Variants in PPWD1 observed in about 807,000 individuals in gnomAD.
PPWD1 encodes the protein peptidylprolyl isomerase domain and WD repeat containing 1, also known as peptidylprolyl isomerase domain and WD repeat-containing protein 1.
A neutral mutation model predicts 68.8 loss-of-function variants in PPWD1; 43 were observed. That is an observed-to-expected ratio of 0.62 (90% confidence interval 0.49 to 0.81). The LOEUF is 0.81. PPWD1 is among the 30% of genes least tolerant of loss of function. PPWD1 has a pLI of 0.00. For missense variants in PPWD1, 672 were observed against 804.8 expected (o/e 0.83, Z 2.00); for synonymous variants, 232 against 258.7 (o/e 0.90, Z 0.99).
At chr5:65,566,074 T>A (rs1417515857) in intron 1 of PPWD1, among the ~76,000 whole-genome samples, 1 of 152,210 alleles carries the variant, frequency 6.6e-6, no homozygotes, top group African/African-American at 2.4e-5. Context: ...TTTATGCCCA[T>A]GTGACCTAGA....
chr5:65,580,329 T>A (rs1246918283), intron 7 of PPWD1, among the ~76,000 whole-genome samples: 1 of 152,244 alleles, frequency 6.6e-6, no homozygotes, highest in Non-Finnish European at 1.5e-5. Context: ...CTATGCTGGC[T>A]GGCCCTCCTC....
intron 9 of PPWD1, 132 bp from the exon 10 acceptor site, chr5:65,585,867 G>A (rs527416629): frequency 1.4e-6 from 2 of 1,383,032 alleles, no homozygotes; most frequent in South Asian, 1.6e-5. Flanking sequence ...AAGTGTTAAG[G>A]GTTTAATCAA....
At chr5:65,566,644 C>A (rs1007564546) in intron 1 of PPWD1, among the ~76,000 whole-genome samples, 1 of 151,958 alleles carries the variant, frequency 6.6e-6, no homozygotes, top group Non-Finnish European at 1.5e-5. Context: ...TTTTTAGGCA[C>A]GTTTGGTCAT....
In PPWD1 at chr5:65,585,038, C is replaced by T. The variant is rs771188133; in HGVS notation, c.1557C>T (p.Phe519=). The change falls in exon 9 of 11, where the codon TTC becomes TTT. Residue 519 remains phenylalanine, a synonymous_variant. Transcript: ENST00000261308. ...PVECPKTVEN[F]CVHSRNGYYN... is the part of the protein sequence containing the mutation. ...GGTGCCCTAAGACAGTGGAAAACTT[C>T]TGTGTTCACAGCAGAAATGGTTATT... The T allele has an allele frequency of 1.9e-6, 3 of 1,612,422 alleles. No individual in the cohort carries two copies. The highest frequency in any genetic ancestry group is 3.3e-5 in the Admixed American group (2 of 59,936).
At position 65,570,012 on chromosome 5, in the gene PPWD1, A is replaced by C. The variant is rs771693552; in HGVS notation, c.521+14A>C. 13 of 1,599,948 alleles carry C rather than the reference A, an allele frequency of 8.1e-6. No homozygotes were observed. In the African/African-American group the frequency reaches 1.7e-4, roughly 22 times the overall value. On this transcript the variant is annotated intron_variant, in intron 4 of 10. Coordinates refer to ENST00000261308, the MANE Select transcript of PPWD1 (RefSeq NM_015342.4). ...GCTGAAACTTGGGTGAGTCTTTTTA[A>C]AAGTATATATATTTTAACTTATTGA...
intron 1 of PPWD1, among the ~76,000 whole-genome samples, chr5:65,566,219 G>T (rs1281873884): frequency 1.3e-5 from 2 of 152,222 alleles, no homozygotes; most frequent in Non-Finnish European, 1.5e-5. Context: ...AGATAGAGCT[G>T]TACTTTTATG....
chr5:65,563,373 A>G lies in PPWD1; in HGVS notation c.63A>G (p.Glu21=). Residue 21 remains glutamate, a synonymous_variant, in exon 1 of 11, where the codon GAA becomes GAG. Coordinates refer to ENST00000261308, the MANE Select transcript of PPWD1 (RefSeq NM_015342.4). ...QRRRRRRDPE[E]PEKTELSERE... is the part of the protein sequence containing the mutation. ...GTAGAAGGCGCCGGGACCCGGAGGA[A>G]CCGGAAAAAACAGAACTCAGCGAAA... 1 of 1,612,766 alleles carries G rather than the reference A, an allele frequency of 6.2e-7. No homozygotes were observed. The highest frequency in any genetic ancestry group is 8.5e-7 in the Non-Finnish European group (1 of 1,179,178).
rs560705138 is a variant in PPWD1, at chr5:65,572,118, T to C, written c.801T>C (p.Tyr267=). Residue 267 remains tyrosine (Y), a synonymous_variant, in exon 5 of 11, where the codon TAT becomes TAC. Coordinates refer to ENST00000261308, the MANE Select transcript of PPWD1 (RefSeq NM_015342.4). ...YKFPKNVNWE[Y]KTDTDLYEFA... is the part of the protein sequence containing the mutation. ...TCCCCAAAAATGTGAACTGGGAATA[T>C]AAAACTGACACTGATTTATATGAAT... 2 of 1,614,070 alleles carry C rather than the reference T, an allele frequency of 1.2e-6. No individual in the cohort carries two copies. Among genetic ancestry groups the C allele is most frequent in the East Asian group, 4.5e-5 (2 of 44,876 alleles).
chr5:65,583,254 A>C, intron 8 of PPWD1, 35 bp downstream of exon 8: 2 of 1,443,802 alleles, frequency 1.4e-6, no homozygotes, highest in Admixed American at 4.8e-5. Context: ...GGCTTATGTA[A>C]TTAAGAATGT....
chr5:65,587,501 A>G lies in PPWD1; in HGVS notation c.*105A>G. ...GCTGAATATACAGATCATGTTTCAA[A>G]GATACAGTATTTTTGTATTTTTTAT... is the stretch of plus-strand genomic sequence containing the variant. On this transcript the variant is annotated 3_prime_UTR_variant, in exon 11 of 11. Coordinates refer to ENST00000261308, the MANE Select transcript of PPWD1 (RefSeq NM_015342.4). The G allele has an allele frequency of 1.0e-5, 9 of 899,988 alleles. No homozygotes were observed. The highest frequency in any genetic ancestry group is 1.4e-5 in the Non-Finnish European group (9 of 651,606). 55.8% of individuals were successfully genotyped at this position (899,988 alleles called of 1,614,324 possible). A position where few individuals can be genotyped will look rare whatever the true frequency, so the allele number is the denominator to read the frequency against.
chr5:65,565,519 G>A (rs1752708739), intron 1 of PPWD1, among the ~76,000 whole-genome samples: 1 of 152,156 alleles, frequency 6.6e-6, no homozygotes, highest in Middle Eastern at 3.4e-3. Flanking sequence ...ACAGCCAATA[G>A]TTGGCCGGGT....
chr5:65,571,831 G>A lies in PPWD1; in HGVS notation c.522-8G>A, dbSNP rs747624001. The A allele has an allele frequency of 2.4e-5, 39 of 1,607,904 alleles. No homozygotes were observed. The highest frequency in any genetic ancestry group is 1.1e-4 in the African/African-American group (8 of 74,514). On this transcript the variant is annotated splice_polypyrimidine_tract_variant and splice_region_variant and intron_variant, in intron 4 of 10. Transcript: ENST00000261308. Reference sequence around the variant, plus strand: ...TTTTTTTTCCCTCTCAATTCTTTACGATTTTAGCTATTTTCCTGGACAGTG... The same window carrying A: ...TTTTTTTTCCCTCTCAATTCTTTACAATTTTAGCTATTTTCCTGGACAGTG...
chr5:65,569,274 G>T, intron 2 of PPWD1: 1 of 277,368 alleles, frequency 3.6e-6, no homozygotes, highest in Non-Finnish European at 7.0e-6. Flanking sequence ...TTACTTATCA[G>T]CTACTGACAA....
intron 5 of PPWD1, among the ~76,000 whole-genome samples, chr5:65,575,632 G>T (rs1753245989): frequency 6.9e-6 from 1 of 144,932 alleles, no homozygotes; most frequent in African/African-American, 2.6e-5. Flanking sequence ...TGCCCTGATT[G>T]TGTAGAAAAG....
intron 5 of PPWD1, chr5:65,576,241 A>G (rs1174383579): frequency 3.7e-6 from 3 of 810,468 alleles, no homozygotes; most frequent in Non-Finnish European, 4.5e-6. Flanking sequence ...GGCTTGTGTT[A>G]TATTTCATTG....
chr5:65,570,060 AC>A, intron 4 of PPWD1, 62 bp downstream of exon 4: 1 of 1,432,448 alleles, frequency 7.0e-7, no homozygotes, highest in Non-Finnish European at 9.6e-7. Flanking sequence ...ATCAGACTTT[AC>A]CATTTAATAG....
intron 5 of PPWD1, among the ~76,000 whole-genome samples, chr5:65,575,538 G>T (rs1436079064): frequency 6.6e-6 from 1 of 152,172 alleles, no homozygotes; most frequent in Non-Finnish European, 1.5e-5. Flanking sequence ...ATATAAGCAT[G>T]AAATAAGGAT....
In PPWD1 at chr5:65,567,554, G is replaced by C. The variant is rs1752832994; in HGVS notation, c.238G>C (p.Ala80Pro). 2 of 1,611,776 alleles carry C rather than the reference G, an allele frequency of 1.2e-6. No homozygotes were observed. Among genetic ancestry groups the C allele is most frequent in the Non-Finnish European group, 1.7e-6 (2 of 1,178,832 alleles). Residue 80 changes from alanine to proline, a missense_variant, in exon 2 of 11, where the codon GCA (alanine) becomes CCA (proline). Transcript: ENST00000261308. ...ERVYLDNLPS[A>P]SMYERSYMHR... is the part of the protein sequence containing the mutation. ...AGTCTATCTTGATAATCTCCCCAGT[G>C]CATCCATGTATGAGCGCAGTTACAT...
chr5:65,575,229 C>CT (rs994510235), intron 5 of PPWD1, among the ~76,000 whole-genome samples: 5 of 152,198 alleles, frequency 3.3e-5, no homozygotes, highest in Non-Finnish European at 5.9e-5. Flanking sequence ...AGATGACCAC[C>CT]TACAGACCTT....
Sources: gnomAD v4.1 joint callset for allele counts (sites outside exome capture counted in the v4.1 genomes callset) on GRCh38, gnomAD v4.1.1 for gene constraint, MANE v1.5 for transcripts, NCBI Gene and HGNC (gene_info 2026-07-23, HGNC 2026-07-21) for gene names.